OSBP: variants seen among roughly 807,000 people sequenced by gnomAD.
The protein encoded by OSBP is oxysterol-binding protein 1.
OSBP carries 32 observed loss-of-function variants against 96.6 expected under a neutral mutation model. That is an observed-to-expected ratio of 0.33 (90% CI 0.25 to 0.45). The LOEUF (loss-of-function observed/expected upper bound fraction) is 0.45. OSBP is among the 20% of genes least tolerant of loss of function. The probability of loss-of-function intolerance (pLI) is 1.00; values close to 1 mark genes in which losing one functional copy is unlikely to be tolerated. For synonymous variants in OSBP, 369 were observed against 389.6 expected (o/e 0.95, Z 0.62); for missense variants, 653 against 1,029.7 (o/e 0.63, Z 5.01).
At chr11:59,611,116 C>T (rs1590679953) in intron 1 of OSBP, among the ~76,000 whole-genome samples, 1 of 102,148 alleles carries the variant, frequency 9.8e-6, no homozygotes, top group South Asian at 2.8e-4. Context: ...GCTTGGGCAA[C>T]AAGAGCGAAA....
intron 3 of OSBP, 93 bp from the exon 4 acceptor site, chr11:59,601,931 C>G: frequency 9.0e-7 from 1 of 1,111,250 alleles, no homozygotes; most frequent in South Asian, 1.5e-5. Context: ...ATTCTGGGAA[C>G]TTTTAACTGG....
intron 2 of OSBP, 116 bp from the exon 3 acceptor site, chr11:59,608,850 A>T (rs932996375): frequency 1.9e-6 from 2 of 1,042,410 alleles, no homozygotes; most frequent in African/African-American, 3.2e-5. Flanking sequence ...ATTCTGACTC[A>T]CTGAAAACTT....
intron 11 of OSBP, among the ~76,000 whole-genome samples, chr11:59,579,561 G>A (rs11230007): frequency 0.027 from 4,125 of 151,714 alleles, 180 homozygotes; most frequent in African/African-American, 0.094. Flanking sequence ...TCGAACTCCC[G>A]ACCTCAGGTG....
intron 3 of OSBP, among the ~76,000 whole-genome samples, chr11:59,603,810 C>G (rs1357363975): frequency 6.6e-6 from 1 of 152,126 alleles, no homozygotes; most frequent in African/African-American, 2.4e-5. Flanking sequence ...TGAGGCACCA[C>G]ACCCAGCCTC....
intron 5 of OSBP, among the ~76,000 whole-genome samples, 157 bp from the exon 6 acceptor site, chr11:59,601,030 C>T (rs1860717220): frequency 6.9e-6 from 1 of 145,666 alleles, no homozygotes; most frequent in Non-Finnish European, 1.5e-5. Context: ...ATTTAAGTAT[C>T]TCTGGAGAAT....
At position 59,601,856 on chromosome 11, in the gene OSBP, T is replaced by C. The variant is rs1565119576; in HGVS notation, c.823-18A>G. 6.2e-7 allele frequency: 1 copy of C among 1,611,310 alleles called. No homozygotes were observed. The highest frequency in any genetic ancestry group is 8.5e-7 in the Non-Finnish European group (1 of 1,177,726). ...CTGCAGGCCTGTATGGAGAAAGCGT[T>C]GACTGTGTCAGCTCAACTAGTCAGA... On this transcript the variant is annotated intron_variant, in intron 3 of 13. Coordinates refer to ENST00000263847, the MANE Select transcript of OSBP (RefSeq NM_002556.3).
At chr11:59,593,985 C>G in intron 8 of OSBP, 25 bp downstream of exon 8, 1 of 1,610,112 alleles carries the variant, frequency 6.2e-7, no homozygotes, top group South Asian at 1.1e-5. Flanking sequence ...AAAGGAAATG[C>G]GTTATGGTTC....
rs1225505492 is a variant in OSBP at position 59,601,312 on chromosome 11, G to A, written c.1095C>T (p.Ile365=). ...GGCCCAAATTTTCAGGCATGGTGAT[G>A]ATCTCAGGTGCATCAAAAAATTCAT... ...DENEFFDAPE[I]ITMPENLGHK... The change falls in exon 5 of 14, where the codon ATC becomes ATT. Residue 365 remains isoleucine (I), a synonymous_variant. Coordinates refer to ENST00000263847, the MANE Select transcript of OSBP (RefSeq NM_002556.3). 6.2e-7 allele frequency: 1 copy of A among 1,612,234 alleles called. No homozygotes were observed. Among genetic ancestry groups the A allele is most frequent in the African/African-American group, 1.3e-5 (1 of 74,864 alleles).
rs768053658 is a variant in OSBP at position 59,601,605 on chromosome 11, C to A, written c.1021+35G>T. On this transcript the variant is annotated intron_variant, in intron 4 of 13. Transcript: ENST00000263847. ...AACTGCAGAAAACCATCTGGCTCACCTTAGACCAGGCTACCTGAGAGCTAA... is the reference window on the plus strand; with the variant it reads ...AACTGCAGAAAACCATCTGGCTCACATTAGACCAGGCTACCTGAGAGCTAA... 42 of 1,602,256 alleles carry A rather than the reference C, an allele frequency of 2.6e-5. No individual in the cohort carries two copies. In the Admixed American group the frequency reaches 3.5e-4, roughly 13 times the overall value.
chr11:59,597,114 A>G (rs537821270), intron 7 of OSBP, among the ~76,000 whole-genome samples: 39 of 152,296 alleles, frequency 2.6e-4, no homozygotes, highest in African/African-American at 8.9e-4. Flanking sequence ...GCTGGAGTGC[A>G]GTGGCACAAT....
chr11:59,601,416 T>C (rs763504879), intron 4 of OSBP, 31 bp from the exon 5 acceptor site: 2 of 1,495,834 alleles, frequency 1.3e-6, no homozygotes, highest in South Asian at 1.1e-5. Context: ...TTTGTTGACT[T>C]TGGTTATCTT....
chr11:59,578,348 AG>A lies in OSBP; in HGVS notation c.1879-19del. On this transcript the variant is annotated intron_variant, in intron 11 of 13. Transcript: ENST00000263847. ...CCCGTCACCTGCAAGGGTGGAGAAC[AG>A]GGCTTGGCTATATAGAATTCACTGT... is the stretch of plus-strand genomic sequence containing the variant. The A allele has an allele frequency of 6.2e-7, 1 of 1,611,530 alleles. No individual in the cohort carries two copies. Among genetic ancestry groups the A allele is most frequent in the Non-Finnish European group, 8.5e-7 (1 of 1,178,226 alleles).
intron 10 of OSBP, among the ~76,000 whole-genome samples, chr11:59,580,685 T>G (rs566759560): frequency 2.2e-4 from 33 of 152,298 alleles, no homozygotes; most frequent in Admixed American, 1.2e-3. Flanking sequence ...CCTTTCTTTT[T>G]TTTTTAAATT....
chr11:59,578,142 T>C lies in OSBP; in HGVS notation c.2060+7A>G. 1.2e-6 allele frequency: 2 copies of C among 1,613,956 alleles called. No individual in the cohort carries two copies. The highest frequency in any genetic ancestry group is 1.7e-6 in the Non-Finnish European group (2 of 1,179,828). On this transcript the variant is annotated splice_region_variant and intron_variant, in intron 12 of 13. Transcript: ENST00000263847. Reference sequence around the variant, plus strand: ...GGTATCTGGGCAGCATGCATGCTGATACTCACGGTAAAGGATTCCTTTTCC... The same window carrying C: ...GGTATCTGGGCAGCATGCATGCTGACACTCACGGTAAAGGATTCCTTTTCC...
At chr11:59,600,899 AT>A in intron 5 of OSBP, 26 bp from the exon 6 acceptor site, 1 of 1,603,174 alleles carries the variant, frequency 6.2e-7, no homozygotes, top group Non-Finnish European at 8.5e-7. Flanking sequence ...ACACAGGAGA[AT>A]TAGAACAAAG....
chr11:59,601,661 C>T lies in OSBP; in HGVS notation c.1000G>A (p.Gly334Ser), dbSNP rs778758910. The change falls in exon 4 of 14, where the codon GGC becomes AGC. Residue 334 changes from glycine (G) to serine (S), a missense_variant. By Grantham distance (56) the Gly-to-Ser change is moderately conservative. Around this residue, in one of 6 missense-constraint regions of OSBP, gnomAD observed 308 missense variants for 573.1 expected, o/e 0.54. Transcript: ENST00000263847. ...GATVLPANTP[G>S]NVGSGKDQCC... ...TTACCTTTACCAGAACCCACATTGC[C>T]AGGAGTGTTTGCCGGCAGCACCGTG... is the stretch of plus-strand genomic sequence containing the variant. The T allele has an allele frequency of 1.9e-6, 3 of 1,612,898 alleles. No individual in the cohort carries two copies. Among genetic ancestry groups the T allele is most frequent in the South Asian group, 2.2e-5 (2 of 91,016 alleles).
intron 9 of OSBP, among the ~76,000 whole-genome samples, chr11:59,588,213 T>C (rs1199672456): frequency 6.6e-6 from 1 of 152,148 alleles, no homozygotes; most frequent in African/African-American, 2.4e-5. Flanking sequence ...GAATAGTGGG[T>C]TCCAGGGTTT....
At chr11:59,581,419 A>C (rs1179364258) in intron 10 of OSBP, 32 bp downstream of exon 10, 2 of 1,261,798 alleles carry the variant, frequency 1.6e-6, no homozygotes, top group Admixed American at 3.5e-5. Context: ...ATTCTTTTAA[A>C]CTTCACACAC....
intron 3 of OSBP, among the ~76,000 whole-genome samples, chr11:59,605,863 G>C (rs151072406): frequency 3.3e-5 from 5 of 152,324 alleles, no homozygotes; most frequent in African/African-American, 9.6e-5. Context: ...AGAGGATGCA[G>C]GTTGCCCCAA....
Sources: allele counts gnomAD v4.1 joint callset (sites outside exome capture counted in the v4.1 genomes callset), GRCh38; gene constraint gnomAD v4.1.1; regional missense constraint gnomAD v4.1.1; transcripts MANE v1.5; gene names NCBI Gene and HGNC (gene_info 2026-07-23, HGNC 2026-07-21).